PDE4B: variants seen among roughly 807,000 people sequenced by gnomAD.
The protein encoded by PDE4B is 3',5'-cyclic-AMP phosphodiesterase 4B.
Under a neutral mutation model 82.2 loss-of-function variants are expected in PDE4B, and 20 were observed. The observed-to-expected ratio is 0.24, with a 90% CI of 0.17 to 0.35. The LOEUF is 0.35. Ranked by LOEUF, PDE4B falls within the 10% of genes least tolerant of loss-of-function variation. The pLI, the probability that PDE4B is intolerant of heterozygous loss-of-function variation, is 1.00. For missense variants in PDE4B, 655 were observed against 907.2 expected (o/e 0.72, Z 3.57); for synonymous variants, 320 against 318.9 (o/e 1.00, Z -0.04).
intron 3 of PDE4B, among the ~76,000 whole-genome samples, chr1:65,967,518 C>A (rs1649900618): frequency 6.6e-6 from 1 of 151,190 alleles, no homozygotes; most frequent in South Asian, 2.1e-4. Flanking sequence ...CCATCTGAAC[C>A]AGCAATACCC....
At chr1:65,867,219 T>G (rs929730372) in intron 1 of PDE4B, among the ~76,000 whole-genome samples, 1 of 152,152 alleles carries the variant, frequency 6.6e-6, no homozygotes. Context: ...AAAGGGACAT[T>G]TAAATGAGAC....
At chr1:66,089,251 TA>T (rs769189859) in intron 3 of PDE4B, among the ~76,000 whole-genome samples, 6 of 152,110 alleles carry the variant, frequency 3.9e-5, no homozygotes, top group Non-Finnish European at 8.8e-5. Context: ...AAGTACCTTG[TA>T]AACAATAGCC....
At chr1:65,827,342 A>C (rs1419117129) in intron 1 of PDE4B, among the ~76,000 whole-genome samples, 3 of 152,328 alleles carry the variant, frequency 2.0e-5, no homozygotes, top group Admixed American at 6.5e-5. Flanking sequence ...TGGAACTATC[A>C]GAAAGGAAAT....
At chr1:65,860,199 A>T (rs1367546054) in intron 1 of PDE4B, among the ~76,000 whole-genome samples, 1 of 151,762 alleles carries the variant, frequency 6.6e-6, no homozygotes, top group Non-Finnish European at 1.5e-5. Context: ...CCCTCCCCTC[A>T]CCGCTCACCC....
At chr1:66,085,019 C>T (rs999250443) in intron 3 of PDE4B, among the ~76,000 whole-genome samples, 2 of 152,136 alleles carry the variant, frequency 1.3e-5, no homozygotes, top group African/African-American at 4.8e-5. Flanking sequence ...AGTTAGGATG[C>T]ACCAAGTATC....
intron 3 of PDE4B, among the ~76,000 whole-genome samples, chr1:65,946,442 T>C (rs1400026862): frequency 2.6e-5 from 4 of 152,004 alleles, no homozygotes; most frequent in Non-Finnish European, 5.9e-5. Flanking sequence ...GCCAAACTGA[T>C]GTCAGAATGT....
chr1:66,064,671 C>T (rs1655752611), intron 3 of PDE4B, among the ~76,000 whole-genome samples: 1 of 151,870 alleles, frequency 6.6e-6, no homozygotes, highest in Admixed American at 6.6e-5. Flanking sequence ...TTCCTGATAC[C>T]TCTATGGAAA....
intron 3 of PDE4B, among the ~76,000 whole-genome samples, chr1:66,057,829 G>A (rs767182667): frequency 5.3e-5 from 8 of 152,076 alleles, no homozygotes; most frequent in Non-Finnish European, 1.2e-4. Flanking sequence ...TGAAATTTGG[G>A]TGGGGACACA....
chr1:66,256,028 A>G (rs1421764103), intron 4 of PDE4B, among the ~76,000 whole-genome samples: 1 of 152,058 alleles, frequency 6.6e-6, no homozygotes, highest in East Asian at 1.9e-4. Context: ...AATAAATAAA[A>G]TAGCTGCGTG....
At chr1:65,875,874 C>T (rs1044663798) in intron 1 of PDE4B, among the ~76,000 whole-genome samples, 12 of 151,060 alleles carry the variant, frequency 7.9e-5, no homozygotes, top group African/African-American at 1.2e-4. Flanking sequence ...TTGGGTGCAG[C>T]GCACCAGCAT....
intron 3 of PDE4B, among the ~76,000 whole-genome samples, chr1:66,008,916 A>G (rs937885394): frequency 6.6e-6 from 1 of 152,022 alleles, no homozygotes; most frequent in African/African-American, 2.4e-5. Flanking sequence ...TTTTTGTCCT[A>G]TAATAACTCC....
chr1:65,850,815 G>C (rs552984443), intron 1 of PDE4B, among the ~76,000 whole-genome samples: 1 of 152,254 alleles, frequency 6.6e-6, no homozygotes, highest in South Asian at 2.1e-4. Flanking sequence ...TTAAAAACTT[G>C]ATAAAGTCTA....
intron 3 of PDE4B, among the ~76,000 whole-genome samples, chr1:66,096,520 A>ATATATATGTATG (rs145826895): frequency 3.1e-5 from 4 of 130,986 alleles, no homozygotes; most frequent in Non-Finnish European, 6.5e-5. Context: ...ATATATATAT[A>ATATATATGTATG]TATATATATA....
At chr1:66,292,769 T>G (rs1366364852) in intron 7 of PDE4B, among the ~76,000 whole-genome samples, 1 of 152,204 alleles carries the variant, frequency 6.6e-6, no homozygotes, top group African/African-American at 2.4e-5. Flanking sequence ...CTCTACCTCC[T>G]CCTTCCCACT....
At chr1:66,309,154 T>A (rs1658494811) in intron 7 of PDE4B, among the ~76,000 whole-genome samples, 1 of 152,180 alleles carries the variant, frequency 6.6e-6, no homozygotes, top group Non-Finnish European at 1.5e-5. Flanking sequence ...GGAAGAAGAT[T>A]TAAGGAAACA....
intron 3 of PDE4B, among the ~76,000 whole-genome samples, chr1:66,061,303 G>C (rs892685980): frequency 6.6e-6 from 1 of 150,450 alleles, no homozygotes; most frequent in African/African-American, 2.5e-5. Context: ...TATTTTCCCT[G>C]TAATACCGTT....
At chr1:66,097,041 T>C (rs373324443) in intron 3 of PDE4B, among the ~76,000 whole-genome samples, 3 of 152,038 alleles carry the variant, frequency 2.0e-5, no homozygotes, top group African/African-American at 4.8e-5. Flanking sequence ...TTTTTGATTC[T>C]TAATGAAGCT....
At chr1:66,226,351 T>C (rs1651453677) in intron 3 of PDE4B, among the ~76,000 whole-genome samples, 1 of 152,086 alleles carries the variant, frequency 6.6e-6, no homozygotes, top group African/African-American at 2.4e-5. Context: ...GAGATACTGA[T>C]TAAAAATGAA....
intron 3 of PDE4B, among the ~76,000 whole-genome samples, chr1:66,008,999 T>C (rs1652314489): frequency 6.6e-6 from 1 of 152,098 alleles, no homozygotes; most frequent in African/African-American, 2.4e-5. Flanking sequence ...TAGCCAGACT[T>C]TTCCTCTGAA....
Sources: gnomAD v4.1 joint callset for allele counts (sites outside exome capture counted in the v4.1 genomes callset) on GRCh38, gnomAD v4.1.1 for gene constraint, MANE v1.5 for transcripts, NCBI Gene and HGNC (gene_info 2026-07-23, HGNC 2026-07-21) for gene names.